EXT1: variants seen among roughly 807,000 people sequenced by gnomAD.
EXT1 encodes exostosin glycosyltransferase 1.
Under a neutral mutation model 82.5 loss-of-function variants are expected in EXT1, and 20 were observed. The observed-to-expected ratio is 0.24, with a 90% CI of 0.17 to 0.35. EXT1 has a LOEUF of 0.35. EXT1 is among the 10% of genes least tolerant of loss of function. The pLI, the probability that EXT1 is intolerant of heterozygous loss-of-function variation, is 1.00. For missense variants in EXT1, 757 were observed against 936.5 expected (o/e 0.81, Z 2.50); for synonymous variants, 348 against 350.8 (o/e 0.99, Z 0.09).
chr8:117,839,589 G>A (rs960492116), intron 1 of EXT1, among the ~76,000 whole-genome samples: 7 of 152,156 alleles, frequency 4.6e-5, no homozygotes, highest in African/African-American at 1.4e-4. Flanking sequence ...TTCTATGCAT[G>A]CTCAGCCTGT....
At chr8:117,840,565 T>C (rs1224514769) in intron 1 of EXT1, among the ~76,000 whole-genome samples, 1 of 149,044 alleles carries the variant, frequency 6.7e-6, no homozygotes, top group Non-Finnish European at 1.5e-5. Context: ...TGAGCCAAGA[T>C]AGTGCCATTG....
chr8:117,914,592 G>A (rs1341851148), intron 1 of EXT1, among the ~76,000 whole-genome samples: 2 of 152,040 alleles, frequency 1.3e-5, no homozygotes, highest in Non-Finnish European at 1.5e-5. Context: ...AATGCCCTGG[G>A]AAAGGAATGC....
At chr8:118,009,229 A>C (rs144965259) in intron 1 of EXT1, among the ~76,000 whole-genome samples, 36 of 152,314 alleles carry the variant, frequency 2.4e-4, no homozygotes, top group African/African-American at 8.4e-4. Context: ...TCCCAGACTA[A>C]CATTCTCCTC....
chr8:118,075,204 G>A (rs1296091490), intron 1 of EXT1, among the ~76,000 whole-genome samples: 4 of 152,220 alleles, frequency 2.6e-5, no homozygotes, highest in African/African-American at 7.2e-5. Context: ...CCAAATTCCT[G>A]GGCCCAGAGA....
chr8:117,875,543 AG>A (rs1300782847), intron 1 of EXT1, among the ~76,000 whole-genome samples: 1 of 152,204 alleles, frequency 6.6e-6, no homozygotes, highest in African/African-American at 2.4e-5. Context: ...CTAAAATAAC[AG>A]GTGTAATTTC....
rs1433419013 is a variant in EXT1 at position 118,110,287 on chromosome 8, T to A, written c.760A>T (p.Asn254Tyr). Residue 254 changes from asparagine (N) to tyrosine (Y), a missense_variant, in exon 1 of 11, where the codon AAC becomes TAC. Physicochemically the swap from Asn to Tyr is moderately radical, Grantham distance 143. Transcript: ENST00000378204. ...TACTTCCTGAGAGGAGGGATGGTGT[T>A]GAACTTCAAAAACCCCCTCTCCCCT... ...TGGERGFLKF[N>Y]TIPPLRKYML... 1 of 1,613,980 alleles carries A rather than the reference T, an allele frequency of 6.2e-7. No individual in the cohort carries two copies. The highest frequency in any genetic ancestry group is 8.5e-7 in the Non-Finnish European group (1 of 1,180,034).
intron 7 of EXT1, among the ~76,000 whole-genome samples, chr8:117,817,040 T>C (rs945124911): frequency 3.9e-5 from 6 of 152,156 alleles, no homozygotes; most frequent in African/African-American, 4.8e-5. Context: ...TATGGTGAGA[T>C]TGATTTGTGA....
At chr8:118,001,415 C>G (rs182591386) in intron 1 of EXT1, among the ~76,000 whole-genome samples, 80 of 152,112 alleles carry the variant, frequency 5.3e-4, no homozygotes, top group African/African-American at 1.8e-3. Flanking sequence ...GGACTCCTGA[C>G]CTCAAGTGAT....
chr8:117,802,082 C>T (rs1290590987), intron 10 of EXT1, among the ~76,000 whole-genome samples: 1 of 152,148 alleles, frequency 6.6e-6, no homozygotes, highest in East Asian at 1.9e-4. Flanking sequence ...GTCATACAAA[C>T]ATTCAATAAA....
At chr8:118,021,969 T>C (rs1743324771) in intron 1 of EXT1, among the ~76,000 whole-genome samples, 1 of 152,182 alleles carries the variant, frequency 6.6e-6, no homozygotes, top group South Asian at 2.1e-4. Context: ...CCTCCAACTT[T>C]CAAATCCTAA....
chr8:117,957,714 T>C (rs1366573101), intron 1 of EXT1, among the ~76,000 whole-genome samples: 4 of 152,236 alleles, frequency 2.6e-5, no homozygotes, highest in Non-Finnish European at 4.4e-5. Flanking sequence ...TCATGGGGCA[T>C]TCAAACGTTT....
intron 1 of EXT1, among the ~76,000 whole-genome samples, chr8:117,839,963 G>A (rs1812248231): frequency 6.6e-6 from 1 of 152,060 alleles, no homozygotes; most frequent in Non-Finnish European, 1.5e-5. Context: ...ACATCTCCTG[G>A]GAGTATTTGC....
At position 117,862,746 on chromosome 8, in the gene EXT1, G is replaced by A. The variant is rs1473222935; in HGVS notation, c.963-25545C>T. Among the ~76,000 whole-genome samples the A allele has an allele frequency of 3.4e-5, 5 of 145,728 alleles. 1 individual carries two copies. The highest frequency in any genetic ancestry group is 2.2e-4 in the South Asian group (1 of 4,524). On this transcript the variant is annotated intron_variant, in intron 1 of 10. Coordinates refer to ENST00000378204, the MANE Select transcript of EXT1 (RefSeq NM_000127.3). ...ATGACAGGGAACTAAACAGGTGGGC[G>A]TGAGAATGCTTATGGGTGGACAGTG... is the stretch of plus-strand genomic sequence containing the variant.
chr8:117,980,720 T>G lies in EXT1; in HGVS notation c.962+129365A>C, dbSNP rs1462828308. Among the ~76,000 whole-genome samples, 65 of 124,630 alleles carry G rather than the reference T, an allele frequency of 5.2e-4. 1 individual carries two copies. The highest frequency in any genetic ancestry group is 9.1e-4 in the African/African-American group (30 of 32,798). The allele number at this position is 124,630 out of a possible 152,430, so 81.8% of individuals were successfully genotyped here. ...GTGGTTTTTTTTTTTTTTTTTTTTT[T>G]TTTTTTTTTTTCCAGTGTGAGTTCT... On this transcript the variant is annotated intron_variant, in intron 1 of 10. Transcript: ENST00000378204.
chr8:117,915,352 C>CAT (rs58661474), intron 1 of EXT1, among the ~76,000 whole-genome samples: 4,126 of 147,084 alleles, frequency 0.028, 112 homozygotes, highest in African/African-American at 0.074. Context: ...TAGATATAAC[C>CAT]ATATATATAT....
intron 1 of EXT1, among the ~76,000 whole-genome samples, chr8:117,955,490 G>A (rs1814568215): frequency 6.6e-6 from 1 of 152,188 alleles, no homozygotes; most frequent in African/African-American, 2.4e-5. Context: ...GGAATTCTGT[G>A]GAAGACATTC....
chr8:117,922,999 AG>A (rs1314433133), intron 1 of EXT1, among the ~76,000 whole-genome samples: 1 of 116,318 alleles, frequency 8.6e-6, no homozygotes, highest in Non-Finnish European at 1.8e-5. Flanking sequence ...AGGATGCAAG[AG>A]GAAAGTGATT....
chr8:118,061,034 C>T (rs1175640858), intron 1 of EXT1, among the ~76,000 whole-genome samples: 3 of 152,126 alleles, frequency 2.0e-5, no homozygotes, highest in Admixed American at 6.5e-5. Flanking sequence ...GAGGAAGCAT[C>T]ACAGAGACAA....
At chr8:117,908,974 A>G (rs1319900426) in intron 1 of EXT1, among the ~76,000 whole-genome samples, 1 of 151,908 alleles carries the variant, frequency 6.6e-6, no homozygotes, top group Non-Finnish European at 1.5e-5. Context: ...TCTACTAAAA[A>G]TACAAAAATT....
Sources: gnomAD v4.1 joint callset for allele counts (sites outside exome capture counted in the v4.1 genomes callset) on GRCh38, gnomAD v4.1.1 for gene constraint, MANE v1.5 for transcripts, NCBI Gene and HGNC (gene_info 2026-07-23, HGNC 2026-07-21) for gene names.